The following PPHLN1 variants were observed in gnomAD, a reference collection of about 807,000 sequenced individuals.
PPHLN1 encodes the protein periphilin-1.
A neutral mutation model predicts 51.3 loss-of-function variants in PPHLN1; 29 were observed. The observed-to-expected ratio is 0.57, with a 90% CI of 0.42 to 0.77. The LOEUF (loss-of-function observed/expected upper bound fraction) is 0.77, where lower values mean the gene tolerates loss of function less well. Among genes scored for constraint, PPHLN1 ranks in the 30% least tolerant of loss-of-function variants. The probability of loss-of-function intolerance (pLI) is 0.00; values close to 1 mark genes in which losing one functional copy is unlikely to be tolerated. For missense variants in PPHLN1, 436 were observed against 438.4 expected, an observed-to-expected ratio of 0.99 and a Z score of 0.05; for synonymous variants, 147 against 147.8, an observed-to-expected ratio of 0.99 and a Z score of 0.04.
chr12:42,404,002 A>C (rs963022473), intron 9 of PPHLN1, among the ~76,000 whole-genome samples: 1 of 150,326 alleles, frequency 6.7e-6, no homozygotes, highest in Admixed American at 6.6e-5. Context: ...ATGAACACTT[A>C]GTGTTTTCAC....
rs1426398678 is a variant in PPHLN1, at chr12:42,366,147, C to A, written c.300-8716C>A. Reference sequence around the variant, plus strand: ...AAAACAACAAAAAAATCCTTAAAATCGAGATGATACTTGCACAAAGAAAAT... The same window carrying A: ...AAAACAACAAAAAAATCCTTAAAATAGAGATGATACTTGCACAAAGAAAAT... On this transcript the variant is annotated intron_variant, in intron 4 of 9. Coordinates refer to ENST00000358314, the MANE Select transcript of PPHLN1 (RefSeq NM_201439.2). 2.6e-5 allele frequency among the ~76,000 whole-genome samples: 4 copies of A among 151,206 alleles called. No individual in the cohort carries two copies. In the East Asian group the frequency reaches 7.7e-4, roughly 29 times the overall value.
downstream of PPHLN1, chr12:42,445,880 T>C (rs2083286736): frequency 7.1e-7 from 1 of 1,405,498 alleles, no homozygotes; most frequent in Non-Finnish European, 9.4e-7. Flanking sequence ...AAAACTGCAG[T>C]TTTATGGAAA....
At chr12:42,370,597 T>C (rs1183532969) in intron 4 of PPHLN1, among the ~76,000 whole-genome samples, 1 of 152,232 alleles carries the variant, frequency 6.6e-6, no homozygotes, top group Non-Finnish European at 1.5e-5. Context: ...TCTTGCGTTA[T>C]CAGTTTCCCC....
At chr12:42,401,964 C>A (rs931278074) in intron 9 of PPHLN1, among the ~76,000 whole-genome samples, 1 of 152,052 alleles carries the variant, frequency 6.6e-6, no homozygotes, top group Non-Finnish European at 1.5e-5. Context: ...AAGCAATACT[C>A]CCACCTCACC....
At chr12:42,381,627 T>C (rs1565888171) in intron 5 of PPHLN1, among the ~76,000 whole-genome samples, 12 of 152,180 alleles carry the variant, frequency 7.9e-5, no homozygotes, top group Admixed American at 7.9e-4. Context: ...TTGGTGTCTT[T>C]AACATGAGAA....
At chr12:42,439,268 C>A (rs1020619435) in intron 9 of PPHLN1, among the ~76,000 whole-genome samples, 5 of 152,110 alleles carry the variant, frequency 3.3e-5, no homozygotes, top group African/African-American at 1.2e-4. Flanking sequence ...AGATAGATAA[C>A]CAGTTGTTCA....
intron 9 of PPHLN1, among the ~76,000 whole-genome samples, chr12:42,404,045 C>CT (rs1340874603): frequency 9.7e-5 from 13 of 134,096 alleles, no homozygotes; most frequent in African/African-American, 1.9e-4. Context: ...TTTTTTTTTT[C>CT]TTTTTTTTGA....
chr12:42,388,788 A>T (rs1024156819), intron 7 of PPHLN1, among the ~76,000 whole-genome samples: 1 of 152,222 alleles, frequency 6.6e-6, no homozygotes, highest in Non-Finnish European at 1.5e-5. Flanking sequence ...TTTAAAAATT[A>T]AAAATTAGCC....
intron 9 of PPHLN1, among the ~76,000 whole-genome samples, chr12:42,404,441 A>G (rs2079105777): frequency 1.3e-5 from 2 of 152,100 alleles, no homozygotes; most frequent in South Asian, 4.1e-4. Context: ...AGGCAAGAGA[A>G]TCACTTGAAC....
chr12:42,373,866 C>A (rs974218), intron 4 of PPHLN1, among the ~76,000 whole-genome samples: 29,729 of 152,036 alleles, frequency 0.2, 3,235 homozygotes, highest in African/African-American at 0.29. Context: ...TGAGGATGCA[C>A]ACTCAGCAAG....
rs1445154236 is a variant in PPHLN1, at chr12:42,342,961, A to G, written c.72+6987A>G. Among the ~76,000 whole-genome samples, 5 of 152,300 alleles carry G rather than the reference A, an allele frequency of 3.3e-5. No individual in the cohort carries two copies. In the East Asian group the frequency reaches 9.6e-4, roughly 29 times the overall value. On this transcript the variant is annotated intron_variant, in intron 2 of 9. Coordinates refer to ENST00000358314, the MANE Select transcript of PPHLN1 (RefSeq NM_201439.2). ...TTTCTCTCTCCTAGAGAGTTTGGCCAATCAAAAATAAATCCTTTAGTAAAT... is the reference window on the plus strand; with the variant it reads ...TTTCTCTCTCCTAGAGAGTTTGGCCGATCAAAAATAAATCCTTTAGTAAAT...
intron 9 of PPHLN1, among the ~76,000 whole-genome samples, chr12:42,421,317 A>G (rs936523283): frequency 2.0e-5 from 3 of 151,934 alleles, no homozygotes; most frequent in Non-Finnish European, 4.4e-5. Context: ...ATCCAGAAAG[A>G]CTCTGTGAAA....
intron 2 of PPHLN1, among the ~76,000 whole-genome samples, chr12:42,345,247 A>T (rs2072130405): frequency 6.6e-6 from 1 of 152,140 alleles, no homozygotes; most frequent in Non-Finnish European, 1.5e-5. Context: ...TATTACACAC[A>T]CTTAGAGGGT....
In PPHLN1 at chr12:42,342,958, G is replaced by A. The variant is rs573032320; in HGVS notation, c.72+6984G>A. 7.9e-5 allele frequency among the ~76,000 whole-genome samples: 12 copies of A among 152,064 alleles called. No individual in the cohort carries two copies. The South Asian group carries it at 2.5e-3, about 32-fold the overall frequency. On this transcript the variant is annotated intron_variant, in intron 2 of 9. Coordinates refer to ENST00000358314, the MANE Select transcript of PPHLN1 (RefSeq NM_201439.2). ...TTATTTCTCTCTCCTAGAGAGTTTG[G>A]CCAATCAAAAATAAATCCTTTAGTA...
At chr12:42,337,842 G>A (rs570376202) in intron 2 of PPHLN1, among the ~76,000 whole-genome samples, 4 of 151,142 alleles carry the variant, frequency 2.6e-5, no homozygotes, top group Non-Finnish European at 4.4e-5. Context: ...GGAGTGCAGC[G>A]GTACAATCTT....
chr12:42,364,451 GCGACCCCATTT>G (rs2075044829), intron 4 of PPHLN1, among the ~76,000 whole-genome samples: 1 of 151,980 alleles, frequency 6.6e-6, no homozygotes, highest in African/African-American at 2.4e-5. Flanking sequence ...GCAACATAAG[GCGACCCCATTT>G]CTACAAAAAA....
At chr12:42,425,119 TGCCCAGGCTGAAGTGCAGTG>T (rs1194640571) in intron 9 of PPHLN1, among the ~76,000 whole-genome samples, 1 of 152,036 alleles carries the variant, frequency 6.6e-6, no homozygotes, top group Non-Finnish European at 1.5e-5. Context: ...TCGCTCTTGC[TGCCCAGGCTGAAGTGCAGTG>T]GCGCGATCTC....
At chr12:42,443,300 T>G (rs1415607315), downstream of PPHLN1, 3 of 152,456 alleles carry the variant, frequency 2.0e-5, no homozygotes, top group Non-Finnish European at 4.4e-5. Context: ...CCTCTTGGCC[T>G]GCCCAGTGAT....
intron 9 of PPHLN1, chr12:42,431,925 C>G (rs2082070495): frequency 6.5e-7 from 1 of 1,546,160 alleles, no homozygotes; most frequent in Admixed American, 1.7e-5. Flanking sequence ...GTCTACGAGA[C>G]CTCGTATGAC....
Sources: gnomAD v4.1 joint callset for allele counts (sites outside exome capture counted in the v4.1 genomes callset) on GRCh38, gnomAD v4.1.1 for gene constraint, MANE v1.5 for transcripts, NCBI Gene and HGNC (gene_info 2026-07-23, HGNC 2026-07-21) for gene names.